Variants in FSHR observed in about 807,000 individuals in gnomAD.
FSHR encodes the protein follicle-stimulating hormone receptor.
A neutral mutation model predicts 52.1 loss-of-function variants in FSHR; 46 were observed. The ratio of observed to expected loss-of-function variants is 0.88; its 90% CI spans 0.70 to 1.13. FSHR has a LOEUF of 1.13. Among genes scored for constraint, FSHR ranks in the 50% most tolerant of loss-of-function variants. FSHR has a pLI of 0.00. For missense variants in FSHR, 964 were observed against 834.6 expected, an observed-to-expected ratio of 1.16 and a Z score of -1.91; for synonymous variants, 399 against 309.6, an observed-to-expected ratio of 1.29 and a Z score of -3.03.
intron 1 of FSHR, among the ~76,000 whole-genome samples, chr2:49,121,493 A>G (rs1007862667): frequency 9.2e-5 from 14 of 152,074 alleles, no homozygotes; most frequent in Admixed American, 9.2e-4. Context: ...GTGCATCTCT[A>G]GAGTTGAAAG....
At chr2:49,046,133 A>G (rs1668645046) in intron 2 of FSHR, among the ~76,000 whole-genome samples, 1 of 152,194 alleles carries the variant, frequency 6.6e-6, no homozygotes, top group South Asian at 2.1e-4. Flanking sequence ...GCTGCTACTT[A>G]AAGGTTGGTG....
chr2:48,979,740 G>A (rs192746410), intron 8 of FSHR, among the ~76,000 whole-genome samples: 2 of 152,080 alleles, frequency 1.3e-5, no homozygotes, highest in Middle Eastern at 3.4e-3. Flanking sequence ...CTTCCATCAA[G>A]GGTTCCCTGT....
intron 1 of FSHR, among the ~76,000 whole-genome samples, chr2:49,083,850 C>A (rs957010549): frequency 6.7e-6 from 1 of 148,210 alleles, no homozygotes; most frequent in Admixed American, 6.8e-5. Flanking sequence ...TAAAGCAAGT[C>A]CTGAGTGACC....
chr2:48,979,870 A>T (rs1225290378), intron 8 of FSHR, among the ~76,000 whole-genome samples: 1 of 152,032 alleles, frequency 6.6e-6, no homozygotes, highest in Non-Finnish European at 1.5e-5. Flanking sequence ...CACAGTCAAG[A>T]TCAGCATGAT....
intron 9 of FSHR, among the ~76,000 whole-genome samples, chr2:48,965,125 T>A (rs1674416143): frequency 6.6e-6 from 1 of 152,038 alleles, no homozygotes; most frequent in African/African-American, 2.4e-5. Context: ...AGTGGCGAAG[T>A]AAGTATCAAA....
chr2:49,036,491 G>T (rs887050141), intron 2 of FSHR, among the ~76,000 whole-genome samples: 5 of 139,902 alleles, frequency 3.6e-5, no homozygotes, highest in African/African-American at 1.3e-4. Context: ...CTCTATATTT[G>T]CATCTGTATA....
chr2:49,035,698 G>C (rs1011604336), intron 2 of FSHR, among the ~76,000 whole-genome samples: 3 of 152,204 alleles, frequency 2.0e-5, no homozygotes, highest in African/African-American at 7.2e-5. Flanking sequence ...GCTCTCTCAG[G>C]AATCTAAGGC....
rs200729073 is a variant in FSHR, at chr2:49,055,771, G to GA, written c.224+12447dup. On this transcript the variant is annotated intron_variant, in intron 2 of 9. Transcript: ENST00000406846. ...GGATGATATATTCAAAGTACTAAAAGAAAAAGCTGCGAGACAAGAATACTA... is the reference window on the plus strand; with the variant it reads ...GGATGATATATTCAAAGTACTAAAAGAAAAAAGCTGCGAGACAAGAATACTA... Among the ~76,000 whole-genome samples, 898 of 151,854 alleles carry GA rather than the reference G, an allele frequency of 5.9e-3. 14 individuals carry two copies. Among genetic ancestry groups the GA allele is most frequent in the South Asian group, 0.02 (94 of 4,812 alleles).
chr2:49,006,938 A>C lies in FSHR; in HGVS notation c.374+10551T>G, dbSNP rs368311611. ...TTATCCAACATTGTTTGACAGGACA[A>C]ATGAAGCCTCTGCCCTTATAGAGCT... On this transcript the variant is annotated intron_variant, in intron 4 of 9. Transcript: ENST00000406846. 5.1e-4 allele frequency among the ~76,000 whole-genome samples: 78 copies of C among 152,236 alleles called. 1 individual carries two copies. The highest frequency in any genetic ancestry group is 1.8e-3 in the African/African-American group (75 of 41,568).
intron 4 of FSHR, among the ~76,000 whole-genome samples, chr2:49,008,113 G>C (rs1307512448): frequency 6.8e-6 from 1 of 147,888 alleles, no homozygotes; most frequent in East Asian, 2.0e-4. Context: ...TGCCATGCTG[G>C]TGCACTGCAC....
At chr2:48,980,632 C>G (rs1675203297) in intron 8 of FSHR, among the ~76,000 whole-genome samples, 1 of 152,210 alleles carries the variant, frequency 6.6e-6, no homozygotes, top group Non-Finnish European at 1.5e-5. Context: ...TCTATTTTAG[C>G]TCACAACCAG....
intron 2 of FSHR, among the ~76,000 whole-genome samples, chr2:49,032,675 C>A (rs1558401700): frequency 6.6e-6 from 1 of 152,118 alleles, no homozygotes; most frequent in Non-Finnish European, 1.5e-5. Context: ...AATAATAAGG[C>A]ACAGAAAAGT....
chr2:49,002,043 A>G (rs1363888813), intron 4 of FSHR, among the ~76,000 whole-genome samples: 2 of 152,246 alleles, frequency 1.3e-5, no homozygotes, highest in East Asian at 3.9e-4. Flanking sequence ...GTATAATTTC[A>G]TAATCCCATT....
chr2:48,979,897 C>G (rs956073264), intron 8 of FSHR, among the ~76,000 whole-genome samples: 2 of 152,110 alleles, frequency 1.3e-5, no homozygotes, highest in African/African-American at 4.8e-5. Context: ...CTACTGTGGT[C>G]TGAATAGCCT....
At chr2:49,027,796 G>A (rs1292223967) in intron 2 of FSHR, among the ~76,000 whole-genome samples, 3 of 149,218 alleles carry the variant, frequency 2.0e-5, no homozygotes, top group Non-Finnish European at 4.4e-5. Context: ...GTTGCAGTGA[G>A]CTGAGATTGT....
rs148575325 is a variant in FSHR at position 49,131,353 on chromosome 2, A to C, written c.152+22913T>G. Among the ~76,000 whole-genome samples the C allele has an allele frequency of 5.3e-5, 8 of 152,312 alleles. No homozygotes were observed. In the South Asian group the frequency reaches 1.4e-3, roughly 28 times the overall value. On this transcript the variant is annotated intron_variant, in intron 1 of 9. Coordinates refer to ENST00000406846, the MANE Select transcript of FSHR (RefSeq NM_000145.4). ...ACTAAGTTAACACCATGTTTAAGTA[A>C]GTCAGAAACATAGGATGTTGAATCC... is the stretch of plus-strand genomic sequence containing the variant.
intron 4 of FSHR, among the ~76,000 whole-genome samples, chr2:49,016,888 A>G (rs187898813): frequency 6.6e-6 from 1 of 152,186 alleles, no homozygotes; most frequent in Admixed American, 6.5e-5. Context: ...CCAAATTCTT[A>G]ACTGTTATTT....
At chr2:48,964,591 C>T (rs1674385566) in intron 9 of FSHR, among the ~76,000 whole-genome samples, 1 of 152,170 alleles carries the variant, frequency 6.6e-6, no homozygotes, top group South Asian at 2.1e-4. Flanking sequence ...CAATAGGCCT[C>T]AGCATGTGCT....
At chr2:49,154,233 C>T (rs1325876428) in intron 1 of FSHR, 33 bp downstream of exon 1, 1 of 1,608,158 alleles carries the variant, frequency 6.2e-7, no homozygotes, top group South Asian at 1.1e-5. Flanking sequence ...AAATGCCAGC[C>T]ATGCAGTTGT....
Sources: allele counts gnomAD v4.1 joint callset (sites outside exome capture counted in the v4.1 genomes callset), GRCh38; gene constraint gnomAD v4.1.1; transcripts MANE v1.5; gene names NCBI Gene and HGNC (gene_info 2026-07-23, HGNC 2026-07-21).